Variants in MBTD1 observed in about 807,000 individuals in gnomAD.
MBTD1 encodes mbt domain containing 1.
Under a neutral mutation model 87.8 loss-of-function variants are expected in MBTD1, and 24 were observed. The observed-to-expected ratio is 0.27, with a 90% CI of 0.20 to 0.38. The LOEUF (loss-of-function observed/expected upper bound fraction) is 0.38, where lower values mean the gene tolerates loss of function less well. Ranked by LOEUF, MBTD1 falls within the 10% of genes least tolerant of loss-of-function variation. MBTD1 has a pLI of 1.00. For synonymous variants in MBTD1, 237 were observed against 248.6 expected, an observed-to-expected ratio of 0.95 and a Z score of 0.44; for missense variants, 436 against 760.2, an observed-to-expected ratio of 0.57 and a Z score of 5.02.
chr17:51,188,753 G>GTTTT (rs767959315), intron 16 of MBTD1, among the ~76,000 whole-genome samples: 47 of 108,840 alleles, frequency 4.3e-4, no homozygotes, highest in African/African-American at 1.1e-3. Context: ...ATTCAAATAG[G>GTTTT]TTTTTTTTTT....
intron 12 of MBTD1, among the ~76,000 whole-genome samples, chr17:51,197,429 T>C (rs1414569572): frequency 2.6e-5 from 4 of 151,982 alleles, no homozygotes; most frequent in Non-Finnish European, 4.4e-5. Flanking sequence ...ATGTTGCCTT[T>C]ATCTAAACTG....
At chr17:51,240,918 A>G (rs1328021428) in intron 2 of MBTD1, among the ~76,000 whole-genome samples, 1 of 152,128 alleles carries the variant, frequency 6.6e-6, no homozygotes, top group Non-Finnish European at 1.5e-5. Context: ...AATTGATGCT[A>G]TAATTTTCAA....
intron 14 of MBTD1, 123 bp downstream of exon 14, chr17:51,193,305 T>G (rs2050901136): frequency 1.5e-6 from 1 of 666,842 alleles, no homozygotes; most frequent in African/African-American, 1.8e-5. Flanking sequence ...CATTGCTATA[T>G]TTGTTTATAT....
chr17:51,246,970 A>T (rs932032936), intron 2 of MBTD1, among the ~76,000 whole-genome samples: 2 of 152,200 alleles, frequency 1.3e-5, no homozygotes, highest in East Asian at 1.9e-4. Flanking sequence ...GTATTGACTC[A>T]TATTTCCAGT....
In MBTD1 at chr17:51,210,395, G is replaced by A. The variant is rs889159231; in HGVS notation, c.487-3390C>T. ...ACAAAAAGGAAAATGGGAGGCCTAG[G>A]GTGGAAGTAAGATTAAGGCTGAGAT... is the stretch of plus-strand genomic sequence containing the variant. On this transcript the variant is annotated intron_variant, in intron 6 of 16. Coordinates refer to ENST00000586178, the MANE Select transcript of MBTD1 (RefSeq NM_017643.3). Among the ~76,000 whole-genome samples the A allele has an allele frequency of 2.6e-5, 4 of 152,094 alleles. No individual in the cohort carries two copies. The South Asian group carries it at 8.3e-4, about 32-fold the overall frequency.
intron 2 of MBTD1, chr17:51,249,708 T>C (rs1568240339): frequency 6.6e-6 from 1 of 152,192 alleles, no homozygotes; most frequent in South Asian, 2.1e-4. Context: ...TGGTTTTCTT[T>C]GTCCCTTTAA....
At chr17:51,198,763 C>T (rs1035655901) in intron 12 of MBTD1, among the ~76,000 whole-genome samples, 3 of 152,042 alleles carry the variant, frequency 2.0e-5, no homozygotes, top group South Asian at 2.1e-4. Flanking sequence ...ACTGTGATTC[C>T]GGTCATGTAG....
At chr17:51,211,913 T>C (rs2052246946) in intron 6 of MBTD1, among the ~76,000 whole-genome samples, 1 of 152,166 alleles carries the variant, frequency 6.6e-6, no homozygotes, top group African/African-American at 2.4e-5. Flanking sequence ...TATTTTTCTT[T>C]CCTTAAAACC....
chr17:51,196,580 T>C (rs1305773692), intron 12 of MBTD1, among the ~76,000 whole-genome samples: 3 of 151,998 alleles, frequency 2.0e-5, no homozygotes, highest in Admixed American at 6.6e-5. Context: ...CTCTAATGTT[T>C]CCCAATTTCC....
At chr17:51,182,142 T>A (rs998980786) in intron 16 of MBTD1, among the ~76,000 whole-genome samples, 2 of 132,874 alleles carry the variant, frequency 1.5e-5, no homozygotes, top group Admixed American at 7.6e-5. Context: ...TTTTTTTTTT[T>A]GAGACATAGT....
intron 15 of MBTD1, 48 bp from the exon 16 acceptor site, chr17:51,192,328 T>C: frequency 7.7e-7 from 1 of 1,302,844 alleles, no homozygotes; most frequent in Non-Finnish European, 1.1e-6. Flanking sequence ...GTTTACAATT[T>C]AGACGATACA....
At chr17:51,217,051 A>T (rs2052611535) in intron 6 of MBTD1, among the ~76,000 whole-genome samples, 1 of 152,110 alleles carries the variant, frequency 6.6e-6, no homozygotes, top group Non-Finnish European at 1.5e-5. Flanking sequence ...AAAATTTAAA[A>T]AATAAATAAA....
intron 6 of MBTD1, chr17:51,209,520 A>G (rs2052046391): frequency 1.1e-5 from 5 of 469,776 alleles, no homozygotes; most frequent in South Asian, 7.7e-5. Context: ...CAACCTCCAC[A>G]TGACTGTAAG....
intron 3 of MBTD1, among the ~76,000 whole-genome samples, chr17:51,222,460 A>AG (rs1203696013): frequency 6.6e-6 from 1 of 152,180 alleles, no homozygotes; most frequent in Non-Finnish European, 1.5e-5. Context: ...GCTGGAGTGC[A>AG]GTGGCACCAT....
chr17:51,218,381 A>C (rs534684543), intron 5 of MBTD1, among the ~76,000 whole-genome samples: 3 of 151,790 alleles, frequency 2.0e-5, no homozygotes, highest in Non-Finnish European at 4.4e-5. Flanking sequence ...ATACAAAAAT[A>C]AGCCAAGTGT....
chr17:51,236,290 G>A (rs1421098458), intron 2 of MBTD1, among the ~76,000 whole-genome samples: 1 of 152,104 alleles, frequency 6.6e-6, no homozygotes, highest in Admixed American at 6.5e-5. Context: ...CTGTTGCCCA[G>A]GCTGGAGTGC....
intron 2 of MBTD1, among the ~76,000 whole-genome samples, chr17:51,227,239 CT>C (rs1248963226): frequency 2.4e-5 from 1 of 41,014 alleles, no homozygotes; most frequent in Admixed American, 3.3e-4. Context: ...GAGACTCTGT[CT>C]CCAAAAAAAA....
chr17:51,243,240 T>C (rs1006494082), intron 2 of MBTD1, among the ~76,000 whole-genome samples: 1 of 152,142 alleles, frequency 6.6e-6, no homozygotes, highest in African/African-American at 2.4e-5. Flanking sequence ...TGTCTGAATT[T>C]TTCCCAAAAT....
At chr17:51,202,227 T>C (rs970140777) in intron 10 of MBTD1, 150 bp from the exon 11 acceptor site, 7 of 615,698 alleles carry the variant, frequency 1.1e-5, no homozygotes, top group African/African-American at 5.6e-5. Flanking sequence ...TATTCTTTAA[T>C]AGTCTTTTCT....
Sources: gnomAD v4.1 joint callset for allele counts (sites outside exome capture counted in the v4.1 genomes callset) on GRCh38, gnomAD v4.1.1 for gene constraint, MANE v1.5 for transcripts, NCBI Gene and HGNC (gene_info 2026-07-23, HGNC 2026-07-21) for gene names.